The following CPA6 variants were observed in gnomAD, a reference collection of about 807,000 sequenced individuals.
The protein encoded by CPA6 is carboxypeptidase B.
Under a neutral mutation model 63.3 loss-of-function variants are expected in CPA6, and 58 were observed. The observed-to-expected ratio is 0.92, with a 90% CI of 0.74 to 1.14. The LOEUF is 1.14. Ranked by LOEUF, CPA6 falls within the 50% of genes most tolerant of loss-of-function variation. The pLI, the probability that CPA6 is intolerant of heterozygous loss-of-function variation, is 0.00. For synonymous variants in CPA6, 185 were observed against 179.0 expected, an observed-to-expected ratio of 1.03 and a Z score of -0.27; for missense variants, 565 against 526.6, an observed-to-expected ratio of 1.07 and a Z score of -0.71.
At chr8:67,708,354 T>C (rs7844879) in intron 1 of CPA6, among the ~76,000 whole-genome samples, 2,602 of 152,246 alleles carry the variant, frequency 0.017, 92 homozygotes, top group African/African-American at 0.06. Flanking sequence ...GAGAAAAAAA[T>C]TATGTTTCAA....
At chr8:67,424,171 C>A (rs549747688) in intron 10 of CPA6, among the ~76,000 whole-genome samples, 32 of 152,272 alleles carry the variant, frequency 2.1e-4, no homozygotes, top group African/African-American at 7.7e-4. Flanking sequence ...GGAAAACAAA[C>A]TCAGGGCTCC....
chr8:67,557,247 A>G (rs574004320), intron 2 of CPA6, among the ~76,000 whole-genome samples: 4 of 152,306 alleles, frequency 2.6e-5, no homozygotes, highest in South Asian at 4.1e-4. Flanking sequence ...CATGTTCTCA[A>G]TATAAAGGAA....
chr8:67,672,383 T>C (rs988212385), intron 1 of CPA6, among the ~76,000 whole-genome samples: 1 of 152,212 alleles, frequency 6.6e-6, no homozygotes, highest in African/African-American at 2.4e-5. Context: ...TATATTCCTG[T>C]GCAACCCAAG....
At chr8:67,494,529 A>G (rs1391289909) in intron 6 of CPA6, among the ~76,000 whole-genome samples, 1 of 152,180 alleles carries the variant, frequency 6.6e-6, no homozygotes, top group Non-Finnish European at 1.5e-5. Flanking sequence ...GAGGTCAACA[A>G]TCTCAAACTA....
intron 2 of CPA6, among the ~76,000 whole-genome samples, chr8:67,585,972 T>C (rs2128979547): frequency 6.6e-6 from 1 of 152,174 alleles, no homozygotes; most frequent in East Asian, 1.9e-4. Flanking sequence ...CACTCATAGT[T>C]TGAGTTTGCT....
At chr8:67,518,800 G>A (rs1375904406) in intron 2 of CPA6, among the ~76,000 whole-genome samples, 6 of 151,840 alleles carry the variant, frequency 4.0e-5, no homozygotes, top group African/African-American at 1.5e-4. Context: ...CGTGAGCCAC[G>A]GTGCCCCACC....
chr8:67,742,125 C>CTT (rs991220577), intron 1 of CPA6, among the ~76,000 whole-genome samples: 1 of 81,402 alleles, frequency 1.2e-5, no homozygotes, highest in Non-Finnish European at 3.0e-5. Context: ...TTCTGTTCTA[C>CTT]TTTTGTGTGT....
chr8:67,473,100 A>G (rs1368100873), intron 8 of CPA6, among the ~76,000 whole-genome samples: 2 of 152,266 alleles, frequency 1.3e-5, no homozygotes, highest in East Asian at 3.8e-4. Flanking sequence ...AAGATAGAAT[A>G]GCTCTTTTTA....
Position 67,676,021 on chromosome 8 carries a change from G to A in CPA6, c.117-51770C>T, listed in dbSNP as rs569967890. Among the ~76,000 whole-genome samples the A allele has an allele frequency of 9.4e-4, 143 of 152,236 alleles. No individual in the cohort carries two copies. The South Asian group carries it at 0.017, about 18-fold the overall frequency. The stretch of plus-strand genomic sequence containing the variant: ...GTACGCTACCATGACCAACCTGTAC[G>A]TTTTTAAATCAGCAAAATCTTATTT... On this transcript the variant is annotated intron_variant, in intron 1 of 10. Coordinates refer to ENST00000297770, the MANE Select transcript of CPA6 (RefSeq NM_020361.5).
chr8:67,472,368 ATTTATTTTT>A (rs1811077997), intron 8 of CPA6, among the ~76,000 whole-genome samples: 2 of 140,472 alleles, frequency 1.4e-5, no homozygotes, highest in Non-Finnish European at 3.0e-5. Flanking sequence ...TTTGTAAAAG[ATTTATTTTT>A]TTATTTTATT....
chr8:67,457,294 T>G lies in CPA6; in HGVS notation c.839-23054A>C, dbSNP rs375741540. Among the ~76,000 whole-genome samples the G allele has an allele frequency of 2.6e-5, 4 of 152,336 alleles. No individual in the cohort carries two copies. The East Asian group carries it at 7.7e-4, about 29-fold the overall frequency. ...TGCCTAGCATACTGCTCTTAAAAAT[T>G]TATTAAGTAAATGAATGAATTTATT... is the stretch of plus-strand genomic sequence containing the variant. On this transcript the variant is annotated intron_variant, in intron 8 of 10. Coordinates refer to ENST00000297770, the MANE Select transcript of CPA6 (RefSeq NM_020361.5).
At chr8:67,587,181 G>T (rs2128979826) in intron 2 of CPA6, among the ~76,000 whole-genome samples, 1 of 152,026 alleles carries the variant, frequency 6.6e-6, no homozygotes, top group African/African-American at 2.4e-5. Flanking sequence ...GAAATATTCT[G>T]AGGCTTGTAG....
intron 1 of CPA6, among the ~76,000 whole-genome samples, chr8:67,732,148 T>C (rs190956845): frequency 2.4e-4 from 37 of 152,274 alleles, no homozygotes; most frequent in African/African-American, 8.2e-4. Flanking sequence ...CTTTGGATAA[T>C]AGTGCAAGTG....
chr8:67,644,520 T>C (rs1034443337), intron 1 of CPA6, among the ~76,000 whole-genome samples: 3 of 152,196 alleles, frequency 2.0e-5, no homozygotes, highest in African/African-American at 7.2e-5. Flanking sequence ...TGTGAAGTCC[T>C]GGGTTCTGTG....
chr8:67,720,020 G>A (rs1432184987), intron 1 of CPA6, among the ~76,000 whole-genome samples: 1 of 152,110 alleles, frequency 6.6e-6, no homozygotes, highest in Non-Finnish European at 1.5e-5. Flanking sequence ...GAGCAATAAA[G>A]CTTTTAATCA....
intron 2 of CPA6, among the ~76,000 whole-genome samples, chr8:67,617,245 T>C (rs1814978698): frequency 1.3e-5 from 2 of 152,234 alleles, no homozygotes; most frequent in Non-Finnish European, 2.9e-5. Flanking sequence ...TGTATTTCTT[T>C]CTTAAACATA....
At chr8:67,698,153 A>G (rs192708857) in intron 1 of CPA6, among the ~76,000 whole-genome samples, 28 of 152,318 alleles carry the variant, frequency 1.8e-4, no homozygotes, top group Non-Finnish European at 3.7e-4. Context: ...TTGGCTAGGT[A>G]ATAATGAAGA....
intron 8 of CPA6, among the ~76,000 whole-genome samples, chr8:67,446,222 G>A (rs1387817295): frequency 1.5e-5 from 2 of 136,654 alleles, no homozygotes; most frequent in South Asian, 2.3e-4. Context: ...GTGGAGATGC[G>A]CCACTGCACT....
chr8:67,714,646 G>A (rs1243387747), intron 1 of CPA6, among the ~76,000 whole-genome samples: 2 of 152,318 alleles, frequency 1.3e-5, no homozygotes, highest in East Asian at 3.9e-4. Context: ...CTGCACTCCA[G>A]CCTGGGCGAC....
Sources: gnomAD v4.1 joint callset for allele counts (sites outside exome capture counted in the v4.1 genomes callset) on GRCh38, gnomAD v4.1.1 for gene constraint, MANE v1.5 for transcripts, NCBI Gene and HGNC (gene_info 2026-07-23, HGNC 2026-07-21) for gene names.